The following CCDC187 variants were observed in gnomAD, a reference collection of about 807,000 sequenced individuals.
The protein encoded by CCDC187 is coiled-coil domain containing 187.
In CCDC187, 32 loss-of-function variants were observed where a neutral mutation model predicts 38.0. That is an observed-to-expected ratio of 0.84 (90% CI 0.64 to 1.13). The LOEUF (loss-of-function observed/expected upper bound fraction) is 1.13, where lower values mean the gene tolerates loss of function less well. Ranked by LOEUF, CCDC187 falls within the 50% of genes most tolerant of loss-of-function variation. CCDC187 has a pLI of 0.00. For missense variants in CCDC187, 707 were observed against 786.8 expected (o/e 0.90, Z 1.21); for synonymous variants, 333 against 347.9 (o/e 0.96, Z 0.48).
At chr9:136,259,612 C>G (rs1830657658) in intron 20 of CCDC187, among the ~76,000 whole-genome samples, 164 bp from the exon 21 acceptor site, 2 of 152,206 alleles carry the variant, frequency 1.3e-5, no homozygotes, top group African/African-American at 4.8e-5. Flanking sequence ...ATCCAGCAAT[C>G]TGCCCTGCCA....
Position 136,254,207 on chromosome 9 carries a change from A to G in CCDC187, c.5621T>C (p.Phe1874Ser). Residue 1874 changes from phenylalanine (F) to serine (S), a missense_variant, in exon 26 of 26, where the codon TTC becomes TCC. Transcript: ENST00000638797. ...QAPPEAAGVVFPLQISSAGDS... is the reference protein window; with the variant it reads ...QAPPEAAGVVSPLQISSAGDS... ...ACCGGCAGAAGAGATTTGCAGCGGG[A>G]ACACCACACCGGCGGCCTCAGGGGG... is the stretch of plus-strand genomic sequence containing the variant. 1.0e-6 allele frequency: 1 copy of G among 985,438 alleles called. No homozygotes were observed. The highest frequency in any genetic ancestry group is 1.2e-6 in the Non-Finnish European group (1 of 830,006). The allele number at this position is 985,438 out of a possible 1,614,324, so 61.0% of individuals were successfully genotyped here.
rs986588972 is a variant in CCDC187, at chr9:136,292,315, C to T, written c.833-20G>A. 1.6e-3 allele frequency: 620 copies of T among 398,692 alleles called. 4 individuals carry two copies. Among genetic ancestry groups the T allele is most frequent in the African/African-American group, 0.012 (562 of 48,760 alleles). The allele number at this position is 398,692 out of a possible 1,614,324, so 24.7% of individuals were successfully genotyped here. ...CCGAATCTTAAACAGAGAAAACATA[C>T]ACACAGCCGGGCGCCCCATGGCCCT... On this transcript the variant is annotated intron_variant, in intron 4 of 25. Transcript: ENST00000638797.
chr9:136,257,534 C>G lies in CCDC187; in HGVS notation c.4367-693G>C, dbSNP rs896583553. On this transcript the variant is annotated intron_variant, in intron 22 of 25. Transcript: ENST00000638797. The surrounding 1 kb of genome is among the most constrained non-coding windows in gnomAD (Gnocchi z 4.5). ...CAGAGGGCCGGTGGGGGGCAGGCCT[C>G]GGACACAGCAAGGCCACCAGTGCAC... 6.6e-6 allele frequency among the ~76,000 whole-genome samples: 1 copy of G among 152,072 alleles called. No individual in the cohort carries two copies. The highest frequency in any genetic ancestry group is 1.9e-4 in the East Asian group (1 of 5,202).
intron 10 of CCDC187, among the ~76,000 whole-genome samples, chr9:136,277,620 C>T (rs1170233981): frequency 6.6e-6 from 1 of 152,120 alleles, no homozygotes; most frequent in African/African-American, 2.4e-5. Flanking sequence ...AAACCTCAGC[C>T]TCTTCCTTGG....
chr9:136,260,809 A>G (rs1275841078), intron 19 of CCDC187, among the ~76,000 whole-genome samples: 3 of 152,194 alleles, frequency 2.0e-5, no homozygotes, highest in Non-Finnish European at 4.4e-5. Flanking sequence ...GGTGGCCCTA[A>G]GGGCCTGGAA....
At position 136,291,194 on chromosome 9, in the gene CCDC187, G is replaced by C. The variant is rs1831319802; in HGVS notation, c.1419C>G (p.Phe473Leu). Residue 473 changes from phenylalanine to leucine, a missense_variant, in exon 6 of 26, where the codon TTC becomes TTG. Coordinates refer to ENST00000638797, the MANE Select transcript of CCDC187 (RefSeq NM_001378188.1). ...AWGAQGQDRSFQRPESPHERL... is the reference protein window; with the variant it reads ...AWGAQGQDRSLQRPESPHERL... ...TCTCATGGGGACTCTCCGGCCTCTG[G>C]AAGGAGCGGTCCTGTCCTTGGGCCC... 2.5e-6 allele frequency: 1 copy of C among 398,624 alleles called. No individual in the cohort carries two copies. The highest frequency in any genetic ancestry group is 4.4e-5 in the Admixed American group (1 of 22,724). The allele number at this position is 398,624 out of a possible 1,614,324, so 24.7% of individuals were successfully genotyped here.
In CCDC187 at chr9:136,263,693, T is replaced by A. The variant is rs1332404378; in HGVS notation, c.3841A>T (p.Ile1281Phe). 3.0e-6 allele frequency: 3 copies of A among 985,280 alleles called. No homozygotes were observed. In the African/African-American group the frequency reaches 5.2e-5, roughly 17 times the overall value. 61.0% of individuals were successfully genotyped at this position (985,280 alleles called of 1,614,324 possible). ...TCCGTGGGCCCCGGGATGGGGAGGA[T>A]GTCCACAGGCCCCGGCATGGAGACG... ...DVVSMPGPVD[I>F]LPIPGPTDVV... Residue 1281 changes from isoleucine (I) to phenylalanine (F), a missense_variant, in exon 18 of 26, where the codon ATC becomes TTC. Ile to Phe is a conservative substitution (Grantham distance 21). Transcript: ENST00000638797.
At position 136,274,764 on chromosome 9, in the gene CCDC187, A is replaced by G. The variant is rs1830898601; in HGVS notation, c.3351-15T>C. On this transcript the variant is annotated splice_polypyrimidine_tract_variant and intron_variant, in intron 13 of 25. Transcript: ENST00000638797. Reference sequence around the variant, plus strand: ...GCGGGTGTGACCTACAGGTGAGGACATGCCCGGGAGACTTGGCACCAGCGC... The same window carrying G: ...GCGGGTGTGACCTACAGGTGAGGACGTGCCCGGGAGACTTGGCACCAGCGC... The G allele has an allele frequency of 6.6e-6, 1 of 152,310 alleles. No individual in the cohort carries two copies. The highest frequency in any genetic ancestry group is 2.4e-5 in the African/African-American group (1 of 41,442). 9.4% of individuals were successfully genotyped at this position (152,310 alleles called of 1,614,324 possible).
At chr9:136,270,571 A>G (rs929181836) in intron 14 of CCDC187, among the ~76,000 whole-genome samples, 3 of 152,224 alleles carry the variant, frequency 2.0e-5, no homozygotes, top group Non-Finnish European at 4.4e-5. Flanking sequence ...GGAACATGAA[A>G]GTAGACAAGG....
chr9:136,268,747 T>A (rs550163482), intron 14 of CCDC187, among the ~76,000 whole-genome samples: 19 of 152,276 alleles, frequency 1.2e-4, no homozygotes, highest in East Asian at 7.7e-4. Context: ...ATATATATAT[T>A]TTTTCACACA....
upstream of CCDC187, among the ~76,000 whole-genome samples, chr9:136,304,591 T>C (rs997394100): frequency 6.6e-6 from 1 of 152,110 alleles, no homozygotes; most frequent in Non-Finnish European, 1.5e-5. Context: ...TCCCAGTGGG[T>C]CCGTGACACG....
chr9:136,297,725 T>C lies in CCDC187; in HGVS notation c.821A>G (p.His274Arg). ...ATAGCAAACCTTACCTTCGTCTTTG[T>C]GTTTGTCTTTGGCCGCTCTTCTAGG... ...PSPRRAAKDK[H>R]KDEDSELVGV... Residue 274 changes from histidine (H) to arginine (R), a missense_variant, in exon 4 of 26, where the codon CAC becomes CGC. By Grantham distance (29) the His-to-Arg change is conservative. Coordinates refer to ENST00000638797, the MANE Select transcript of CCDC187 (RefSeq NM_001378188.1). 2.5e-6 allele frequency: 1 copy of C among 398,730 alleles called. No individual in the cohort carries two copies. Among genetic ancestry groups the C allele is most frequent in the Non-Finnish European group, 4.4e-6 (1 of 226,120 alleles). 24.7% of individuals were successfully genotyped at this position (398,730 alleles called of 1,614,324 possible). A position where few individuals can be genotyped will look rare whatever the true frequency, so the allele number is the denominator to read the frequency against.
intron 4 of CCDC187, among the ~76,000 whole-genome samples, chr9:136,293,856 T>TCA (rs1388250232): frequency 0.74 from 111,697 of 151,404 alleles, 41,262 homozygotes; most frequent in East Asian, 0.83. Context: ...TCACACACAT[T>TCA]CAGTCTCATA....
chr9:136,254,813 T>C lies in CCDC187; in HGVS notation c.5015A>G (p.His1672Arg). 4 of 985,114 alleles carry C rather than the reference T, an allele frequency of 4.1e-6. No individual in the cohort carries two copies. Among genetic ancestry groups the C allele is most frequent in the Non-Finnish European group, 4.8e-6 (4 of 829,878 alleles). 61.0% of individuals were successfully genotyped at this position (985,114 alleles called of 1,614,324 possible). A position where few individuals can be genotyped will look rare whatever the true frequency, so the allele number is the denominator to read the frequency against. ...FSWPGELSAR[H>R]SSGEAGLPLS... ...AGGCAGGCCAGCTTCCCCCGAGGAG[T>C]GTCGGGCAGAGAGCTCTCCAGGCCA... is the stretch of plus-strand genomic sequence containing the variant. The change falls in exon 26 of 26, where the codon CAC becomes CGC. Residue 1672 changes from histidine (H) to arginine (R), a missense_variant. By Grantham distance (29) the His-to-Arg change is conservative. Coordinates refer to ENST00000638797, the MANE Select transcript of CCDC187 (RefSeq NM_001378188.1).
chr9:136,269,805 G>A (rs1247715364), intron 14 of CCDC187, among the ~76,000 whole-genome samples: 2 of 152,314 alleles, frequency 1.3e-5, no homozygotes, highest in East Asian at 3.9e-4. Context: ...GGCTTGACGT[G>A]GGTGTGAGAA....
chr9:136,286,932 G>A (rs909424998), intron 7 of CCDC187, among the ~76,000 whole-genome samples: 1 of 152,216 alleles, frequency 6.6e-6, no homozygotes, highest in African/African-American at 2.4e-5. Flanking sequence ...GGGCACTGCC[G>A]GTGGGGTGTA....
At position 136,263,655 on chromosome 9, in the gene CCDC187, C is replaced by G; in HGVS notation, c.3879G>C (p.Ala1293=). Reference sequence around the variant, plus strand: ...GCTTGGCCTGGGCCTGCAGCTCGTGCGCTGGGACGACGTCCGTGGGCCCCG... The same window carrying G: ...GCTTGGCCTGGGCCTGCAGCTCGTGGGCTGGGACGACGTCCGTGGGCCCCG... ...PIPGPTDVVP[A]HELQAQAKLQ... Residue 1293 remains alanine, a synonymous_variant, in exon 18 of 26, where the codon GCG becomes GCC. Coordinates refer to ENST00000638797, the MANE Select transcript of CCDC187 (RefSeq NM_001378188.1). 1 of 985,468 alleles carries G rather than the reference C, an allele frequency of 1.0e-6. No individual in the cohort carries two copies. The highest frequency in any genetic ancestry group is 1.2e-6 in the Non-Finnish European group (1 of 829,954). 61.0% of individuals were successfully genotyped at this position (985,468 alleles called of 1,614,324 possible).
At chr9:136,275,312 G>A (rs1211796885) in intron 12 of CCDC187, among the ~76,000 whole-genome samples, 1 of 152,180 alleles carries the variant, frequency 6.6e-6, no homozygotes, top group African/African-American at 2.4e-5. Flanking sequence ...GGTCCCGGCT[G>A]GGGGTGCTGG....
chr9:136,278,578 T>C (rs1266060241), intron 10 of CCDC187, among the ~76,000 whole-genome samples: 1 of 152,090 alleles, frequency 6.6e-6, no homozygotes, highest in African/African-American at 2.4e-5. Flanking sequence ...ATGGGACAGT[T>C]TGACAGATCT....
Sources: gnomAD v4.1 joint callset for allele counts (sites outside exome capture counted in the v4.1 genomes callset) on GRCh38, gnomAD v4.1.1 for gene constraint, Gnocchi (gnomAD v3.1) non-coding constraint, MANE v1.5 for transcripts, NCBI Gene and HGNC (gene_info 2026-07-23, HGNC 2026-07-21) for gene names.